Variants in EXOSC10 observed in about 807,000 individuals in gnomAD.
EXOSC10 encodes the protein exosome component 10.
A neutral mutation model predicts 126.6 loss-of-function variants in EXOSC10; 94 were observed. The ratio of observed to expected loss-of-function variants is 0.74; its 90% CI spans 0.63 to 0.88. The LOEUF (loss-of-function observed/expected upper bound fraction) is 0.88, where lower values mean the gene tolerates loss of function less well. Ranked by LOEUF, EXOSC10 falls within the 40% of genes least tolerant of loss-of-function variation. EXOSC10 has a pLI of 0.00. For missense variants in EXOSC10, 1,041 were observed against 1,100.5 expected (o/e 0.95, Z 0.77); for synonymous variants, 395 against 400.8 (o/e 0.99, Z 0.17).
chr1:11,098,285 A>C (rs1641227671), intron 1 of EXOSC10, 129 bp from the exon 2 acceptor site: 12 of 1,131,944 alleles, frequency 1.1e-5, no homozygotes, highest in Non-Finnish European at 1.4e-5. Flanking sequence ...ATTTAGTGCC[A>C]AACCCCAATC....
Position 11,098,004 on chromosome 1 carries a change from A to G in EXOSC10, c.248+16T>C, listed in dbSNP as rs773628103. On this transcript the variant is annotated intron_variant, in intron 2 of 24. Coordinates refer to ENST00000376936, the MANE Select transcript of EXOSC10 (RefSeq NM_001001998.3). ...TTTCTTTTCACTAACACAAGAAAAC[A>G]AAGTACAGTACTTACCACTGAAGCA... 6.6e-7 allele frequency: 1 copy of G among 1,510,736 alleles called. No homozygotes were observed. The highest frequency in any genetic ancestry group is 8.8e-7 in the Non-Finnish European group (1 of 1,133,184). 93.6% of individuals were successfully genotyped at this position (1,510,736 alleles called of 1,614,324 possible).
intron 17 of EXOSC10, among the ~76,000 whole-genome samples, chr1:11,076,629 G>A (rs866827597): frequency 7.2e-5 from 11 of 152,072 alleles, no homozygotes; most frequent in African/African-American, 2.7e-4. Flanking sequence ...CAGAGCTCAA[G>A]AGAATCCCCC....
intron 18 of EXOSC10, 97 bp from the exon 19 acceptor site, chr1:11,074,105 A>AAAGAC: frequency 7.2e-7 from 1 of 1,395,660 alleles, no homozygotes; most frequent in Non-Finnish European, 1.0e-6. Flanking sequence ...GTGCCTTGTC[A>AAAGAC]GCGTCTTTGC....
rs748622049 is a variant in EXOSC10 at position 11,069,702 on chromosome 1, C to T, written c.2345G>A (p.Arg782Gln). Residue 782 changes from arginine (R) to glutamine (Q), a missense_variant, in exon 22 of 25, where the codon CGA (arginine) becomes CAA (glutamine). By Grantham distance (43) the Arg-to-Gln change is conservative (BLOSUM62 1). Around this residue, in one of 3 missense-constraint regions of EXOSC10, gnomAD observed 388 missense variants for 415.2 expected, o/e 0.93. Transcript: ENST00000376936. ...VLENAAKKRE[R>Q]ATSDPRTTEQ... ...TGTGGTCCTTGGGTCGCTTGTTGCT[C>T]GCTCTCTCTTCTTTGCAGCATTTTC... 8 of 1,611,724 alleles carry T rather than the reference C, an allele frequency of 5.0e-6. No homozygotes were observed. Among genetic ancestry groups the T allele is most frequent in the East Asian group, 2.2e-5 (1 of 44,776 alleles).
chr1:11,097,326 C>T (rs191846011), intron 2 of EXOSC10, among the ~76,000 whole-genome samples: 8 of 151,386 alleles, frequency 5.3e-5, no homozygotes, highest in African/African-American at 1.2e-4. Context: ...TGCAGTGAGC[C>T]GAGATTGAGC....
intron 22 of EXOSC10, among the ~76,000 whole-genome samples, chr1:11,069,227 C>CTGTGTGTGTGTGTG (rs146028725): frequency 3.4e-4 from 46 of 135,374 alleles, no homozygotes; most frequent in African/African-American, 3.6e-4. Context: ...AAACAAAATT[C>CTGTGTGTGTGTGTG]TGTGTGTGTG....
chr1:11,080,986 T>C (rs1640132887), intron 11 of EXOSC10, 74 bp from the exon 12 acceptor site: 3 of 1,574,218 alleles, frequency 1.9e-6, no homozygotes, highest in South Asian at 1.2e-5. Context: ...AATGTTTGGC[T>C]CTTTTCATGA....
chr1:11,077,852 G>A (rs1000008241), intron 14 of EXOSC10, among the ~76,000 whole-genome samples: 3 of 152,166 alleles, frequency 2.0e-5, no homozygotes, highest in African/African-American at 7.2e-5. Flanking sequence ...AAAGAATAAA[G>A]CTCTTTAACA....
At chr1:11,070,265 TAAAAA>T (rs35601923) in intron 21 of EXOSC10, among the ~76,000 whole-genome samples, 2 of 100,594 alleles carry the variant, frequency 2.0e-5, no homozygotes, top group Non-Finnish European at 3.6e-5. Context: ...AAAAGGAAAT[TAAAAA>T]AAAAAAAAAA....
chr1:11,081,025 C>A, intron 11 of EXOSC10, 57 bp downstream of exon 11: 2 of 1,599,472 alleles, frequency 1.3e-6, no homozygotes, highest in Non-Finnish European at 8.5e-7. Context: ...AGAACTAGAA[C>A]CTGGCCAGAC....
chr1:11,072,257 A>T, intron 19 of EXOSC10, 86 bp from the exon 20 acceptor site: 1 of 917,022 alleles, frequency 1.1e-6, no homozygotes, highest in East Asian at 2.4e-5. Context: ...GACGAAGGGC[A>T]GGTTAACCTA....
chr1:11,098,216 C>T, intron 1 of EXOSC10, 60 bp from the exon 2 acceptor site: 1 of 1,539,338 alleles, frequency 6.5e-7, no homozygotes, highest in Non-Finnish European at 8.7e-7. Context: ...TTTGGTATGT[C>T]ATTTTTTTGA....
In EXOSC10 at chr1:11,072,131, T is replaced by C; in HGVS notation, c.2198A>G (p.Lys733Arg). The C allele has an allele frequency of 6.2e-7, 1 of 1,614,024 alleles. No individual in the cohort carries two copies. The highest frequency in any genetic ancestry group is 8.5e-7 in the Non-Finnish European group (1 of 1,179,974). Residue 733 changes from lysine to arginine, a missense_variant, in exon 20 of 25, where the codon AAA (lysine) becomes AGA (arginine). By Grantham distance (26) the Lys-to-Arg change is conservative. Around this residue, in one of 3 missense-constraint regions of EXOSC10, gnomAD observed 388 missense variants for 415.2 expected, o/e 0.93. Coordinates refer to ENST00000376936, the MANE Select transcript of EXOSC10 (RefSeq NM_001001998.3). ...CTTCTTGACAGCTTCTTTAGAGTCT[T>C]TTTGTACTTGTACCTGGGCCAGCTT... Reference protein sequence around the residue: ...RWKLAQVQVQKDSKEAVKKKA... With the variant: ...RWKLAQVQVQRDSKEAVKKKA...
chr1:11,096,094 G>A (rs1233367506), intron 2 of EXOSC10, among the ~76,000 whole-genome samples: 1 of 151,416 alleles, frequency 6.6e-6, no homozygotes, highest in East Asian at 2.0e-4. Context: ...AGCGATTCTC[G>A]TGTCTCAGCC....
intron 17 of EXOSC10, among the ~76,000 whole-genome samples, chr1:11,075,853 CAAAAAAAAA>C (rs58667041): frequency 4.3e-4 from 15 of 35,122 alleles, no homozygotes; most frequent in Non-Finnish European, 6.0e-4. Flanking sequence ...GATCCTGTCA[CAAAAAAAAA>C]AAAAAAAAAA....
chr1:11,089,588 T>C (rs929557122), intron 6 of EXOSC10, among the ~76,000 whole-genome samples: 1 of 142,150 alleles, frequency 7.0e-6, no homozygotes. Context: ...GCCATTGTAC[T>C]CCAGCCTGAG....
At position 11,090,578 on chromosome 1, in the gene EXOSC10, C is replaced by T. The variant is rs749259146; in HGVS notation, c.734G>A (p.Arg245Lys). The change falls in exon 6 of 25, where the codon AGA becomes AAA. Residue 245 changes from arginine (R) to lysine (K), a missense_variant. Physicochemically the swap from Arg to Lys is conservative, Grantham distance 26. Around this residue, in one of 3 missense-constraint regions of EXOSC10, gnomAD observed 645 missense variants for 656.3 expected, o/e 0.98. Coordinates refer to ENST00000376936, the MANE Select transcript of EXOSC10 (RefSeq NM_001001998.3). ...CATGTCTTGCTCAACCTGCTGGGTT[C>T]TCTGCTGATGGATGAAATCAGCCAG... ...PALADFIHQQ[R>K]TQQVEQDMFA... 5.0e-6 allele frequency: 8 copies of T among 1,614,152 alleles called. No individual in the cohort carries two copies. Among genetic ancestry groups the T allele is most frequent in the East Asian group, 2.2e-5 (1 of 44,890 alleles).
chr1:11,077,078 G>C, intron 16 of EXOSC10, 130 bp from the exon 17 acceptor site: 1 of 690,536 alleles, frequency 1.4e-6, no homozygotes, highest in Non-Finnish European at 2.5e-6. Context: ...TGCAACCTCC[G>C]CCTCCTCGGT....
At chr1:11,079,662 G>C in intron 14 of EXOSC10, 49 bp downstream of exon 14, 1 of 1,507,382 alleles carries the variant, frequency 6.6e-7, no homozygotes, top group East Asian at 2.3e-5. Flanking sequence ...CCAAAGTGCT[G>C]AGATTATAGG....
Sources: allele counts gnomAD v4.1 joint callset (sites outside exome capture counted in the v4.1 genomes callset), GRCh38; gene constraint gnomAD v4.1.1; regional missense constraint gnomAD v4.1.1; transcripts MANE v1.5; gene names NCBI Gene and HGNC (gene_info 2026-07-23, HGNC 2026-07-21).